The following SGCZ variants were observed in gnomAD, a reference collection of about 807,000 sequenced individuals.
The protein encoded by SGCZ is zeta-sarcoglycan.
A neutral mutation model predicts 41.3 loss-of-function variants in SGCZ; 40 were observed. The ratio of observed to expected loss-of-function variants is 0.97; its 90% CI spans 0.75 to 1.26. SGCZ has a LOEUF of 1.26. SGCZ is among the 50% of genes most tolerant of loss of function. The pLI is 0.00. For missense variants in SGCZ, 552 were observed against 369.8 expected, an observed-to-expected ratio of 1.49 and a Z score of -4.04; for synonymous variants, 206 against 137.5, an observed-to-expected ratio of 1.50 and a Z score of -3.49.
In SGCZ at chr8:14,216,421, T is replaced by A. The variant is rs1463720084; in HGVS notation, c.424+21171A>T. Among the ~76,000 whole-genome samples the A allele has an allele frequency of 5.5e-5, 8 of 146,428 alleles. No homozygotes were observed. In the East Asian group the frequency reaches 1.2e-3, roughly 22 times the overall value. On this transcript the variant is annotated intron_variant, in intron 4 of 7. Transcript: ENST00000382080. ...TCTTATGAGGCCAGCGTTACTCGGA[T>A]AACAAATCTACACAAAGACAGTGAA...
At chr8:14,357,974 A>G (rs1803355700) in intron 2 of SGCZ, among the ~76,000 whole-genome samples, 1 of 152,200 alleles carries the variant, frequency 6.6e-6, no homozygotes, top group Admixed American at 6.5e-5. Context: ...CATGAAATCA[A>G]TATTCTGCCA....
chr8:14,575,675 G>C (rs1804685599), intron 1 of SGCZ, among the ~76,000 whole-genome samples: 1 of 152,082 alleles, frequency 6.6e-6, no homozygotes. Flanking sequence ...GGGAGGCTGA[G>C]GTAGGTGGAC....
At chr8:15,098,454 C>T (rs912596484) in intron 1 of SGCZ, among the ~76,000 whole-genome samples, 2 of 152,158 alleles carry the variant, frequency 1.3e-5, no homozygotes, top group African/African-American at 4.8e-5. Flanking sequence ...GAAAAGGTGG[C>T]AAAGTTAGTT....
At chr8:15,236,675 A>T (rs552822666) in intron 1 of SGCZ, among the ~76,000 whole-genome samples, 1 of 118,452 alleles carries the variant, frequency 8.4e-6, no homozygotes, top group South Asian at 2.4e-4. Flanking sequence ...ATATAAATAT[A>T]TATATTTTTT....
chr8:14,844,034 A>T (rs1023029843), intron 1 of SGCZ, among the ~76,000 whole-genome samples: 5 of 151,056 alleles, frequency 3.3e-5, no homozygotes, highest in African/African-American at 1.2e-4. Flanking sequence ...ATATTTATAT[A>T]ATTCACATTT....
At chr8:15,116,485 A>G (rs548312935) in intron 1 of SGCZ, among the ~76,000 whole-genome samples, 104 of 152,350 alleles carry the variant, frequency 6.8e-4, no homozygotes, top group Non-Finnish European at 1.4e-3. Context: ...AAAATGCCTT[A>G]GATCAATTTT....
At position 14,514,495 on chromosome 8, in the gene SGCZ, A is replaced by G. The variant is rs1411748812; in HGVS notation, c.234+40237T>C. 3.3e-5 allele frequency among the ~76,000 whole-genome samples: 5 copies of G among 151,884 alleles called. No homozygotes were observed. The East Asian group carries it at 9.7e-4, about 29-fold the overall frequency. ...CATTAAGGAATATGGTAAGAATTTG[A>G]TAGCTAGTACATGAGGTGAAATCAA... On this transcript the variant is annotated intron_variant, in intron 2 of 7. Transcript: ENST00000382080.
chr8:14,748,016 A>C (rs1799389416), intron 1 of SGCZ, among the ~76,000 whole-genome samples: 1 of 151,662 alleles, frequency 6.6e-6, no homozygotes, highest in Non-Finnish European at 1.5e-5. Context: ...TATTATAATC[A>C]TGTTTTTAAA....
intron 1 of SGCZ, among the ~76,000 whole-genome samples, chr8:15,001,053 G>C (rs761440927): frequency 6.6e-6 from 1 of 152,190 alleles, no homozygotes; most frequent in Non-Finnish European, 1.5e-5. Flanking sequence ...GGACAACAAC[G>C]GCTGAGTGAC....
chr8:14,432,192 A>C (rs766472749), intron 2 of SGCZ, among the ~76,000 whole-genome samples: 5 of 152,222 alleles, frequency 3.3e-5, no homozygotes, highest in Non-Finnish European at 5.9e-5. Context: ...ATCTACCCAG[A>C]GGAAAATATG....
intron 7 of SGCZ, among the ~76,000 whole-genome samples, chr8:14,100,103 A>C (rs2116975450): frequency 6.6e-6 from 1 of 152,184 alleles, no homozygotes; most frequent in South Asian, 2.1e-4. Context: ...ATATATTTAT[A>C]TGATTTTATA....
In SGCZ at chr8:14,833,164, T is replaced by C. The variant is rs143862684; in HGVS notation, c.40-278238A>G. Reference sequence around the variant, plus strand: ...ACAGGAATAATGTAGTATTAATGTATTCAGGTTTTGAAATGTGAATTAATA... The same window carrying C: ...ACAGGAATAATGTAGTATTAATGTACTCAGGTTTTGAAATGTGAATTAATA... On this transcript the variant is annotated intron_variant, in intron 1 of 7. Transcript: ENST00000382080. 5.6e-3 allele frequency among the ~76,000 whole-genome samples: 848 copies of C among 152,232 alleles called. 8 individuals carry two copies. Among genetic ancestry groups the C allele is most frequent in the Middle Eastern group, 0.017 (5 of 294 alleles).
chr8:14,616,076 G>A lies in SGCZ; in HGVS notation c.40-61150C>T, dbSNP rs188528945. The stretch of plus-strand genomic sequence containing the variant: ...AGGCGGGCAGATCACGAGGTCAAGA[G>A]ATCAAGACCATCCTGGCTAACACAG... On this transcript the variant is annotated intron_variant, in intron 1 of 7. Transcript: ENST00000382080. Among the ~76,000 whole-genome samples, 145 of 152,196 alleles carry A rather than the reference G, an allele frequency of 9.5e-4. 1 individual carries two copies. Among genetic ancestry groups the A allele is most frequent in the Non-Finnish European group, 1.0e-3 (70 of 67,996 alleles).
At chr8:14,179,745 C>G (rs1029267347) in intron 4 of SGCZ, among the ~76,000 whole-genome samples, 1 of 152,166 alleles carries the variant, frequency 6.6e-6, no homozygotes, top group African/African-American at 2.4e-5. Flanking sequence ...TCACTGGTAA[C>G]ATGGCACACA....
At chr8:14,605,393 C>G (rs1186367645) in intron 1 of SGCZ, among the ~76,000 whole-genome samples, 1 of 152,050 alleles carries the variant, frequency 6.6e-6, no homozygotes, top group Non-Finnish European at 1.5e-5. Flanking sequence ...AGCATTTATC[C>G]TTTGTGTTAC....
intron 3 of SGCZ, among the ~76,000 whole-genome samples, chr8:14,286,726 C>T (rs990606434): frequency 6.6e-6 from 1 of 152,000 alleles, no homozygotes; most frequent in African/African-American, 2.4e-5. Flanking sequence ...CTAAATTATT[C>T]ACTGTATTCT....
At chr8:14,781,562 T>C (rs774584772) in intron 1 of SGCZ, among the ~76,000 whole-genome samples, 1 of 152,140 alleles carries the variant, frequency 6.6e-6, no homozygotes, top group Non-Finnish European at 1.5e-5. Flanking sequence ...CTTTCAAAAC[T>C]TATTACCAAT....
intron 3 of SGCZ, among the ~76,000 whole-genome samples, chr8:14,313,918 GT>G: frequency 1.3e-5 from 1 of 75,868 alleles, no homozygotes; most frequent in East Asian, 6.4e-4. Flanking sequence ...CTCTGTGTGT[GT>G]GTGTGTGTGT....
chr8:14,923,850 G>C (rs1016791465), intron 1 of SGCZ, among the ~76,000 whole-genome samples: 2 of 152,176 alleles, frequency 1.3e-5, no homozygotes, highest in African/African-American at 2.4e-5. Flanking sequence ...ACGTTCAACT[G>C]TAGGGATCCA....
Sources: gnomAD v4.1 joint callset for allele counts (sites outside exome capture counted in the v4.1 genomes callset) on GRCh38, gnomAD v4.1.1 for gene constraint, MANE v1.5 for transcripts, NCBI Gene and HGNC (gene_info 2026-07-23, HGNC 2026-07-21) for gene names.